TENM2: variants seen among roughly 807,000 people sequenced by gnomAD.
TENM2 encodes teneurin transmembrane protein 2.
TENM2 carries 52 observed loss-of-function variants against 245.2 expected under a neutral mutation model. That is an observed-to-expected ratio of 0.21 (90% CI 0.17 to 0.27). TENM2 has a LOEUF of 0.27. Among genes scored for constraint, TENM2 ranks in the 10% least tolerant of loss-of-function variants. TENM2 has a pLI of 1.00. For missense variants in TENM2, 3,046 were observed against 3,666.8 expected (o/e 0.83, Z 4.37); for synonymous variants, 1,363 against 1,438.9 (o/e 0.95, Z 1.19).
At chr5:167,778,053 G>A (rs1763933470) in intron 2 of TENM2, among the ~76,000 whole-genome samples, 1 of 152,144 alleles carries the variant, frequency 6.6e-6, no homozygotes, top group African/African-American at 2.4e-5. Flanking sequence ...TGCACCACAT[G>A]GACTGCAAAG....
chr5:167,953,072 C>G (rs1780247689), intron 4 of TENM2, among the ~76,000 whole-genome samples: 1 of 152,194 alleles, frequency 6.6e-6, no homozygotes, highest in Non-Finnish European at 1.5e-5. Context: ...GTGTACCCAA[C>G]TAATAGAATT....
rs981004007 is a variant in TENM2 at position 167,827,707 on chromosome 5, C to T, written c.503-48279C>T. 8.8e-5 allele frequency among the ~76,000 whole-genome samples: 13 copies of T among 148,386 alleles called. No homozygotes were observed. The South Asian group carries it at 2.6e-3, about 30-fold the overall frequency. On this transcript the variant is annotated intron_variant, in intron 2 of 28. Coordinates refer to ENST00000518659, the Ensembl canonical transcript of TENM2. ...AAACTTCTTACCTGAGGAAACTGTT[C>T]CCTTTGAGGAGTTGAGTTATTGCCT...
chr5:167,481,495 A>G (rs986343034), intron 2 of TENM2, among the ~76,000 whole-genome samples: 1 of 152,234 alleles, frequency 6.6e-6, no homozygotes, highest in Admixed American at 6.5e-5. Flanking sequence ...GGCTGCTTCC[A>G]TACTACAAAG....
At chr5:167,631,047 A>G (rs1362699605) in intron 2 of TENM2, among the ~76,000 whole-genome samples, 3 of 152,136 alleles carry the variant, frequency 2.0e-5, no homozygotes, top group African/African-American at 7.2e-5. Flanking sequence ...TTGAGTGTCT[A>G]CCGTGTGCGA....
At chr5:167,887,744 G>A (rs1774404457) in intron 3 of TENM2, among the ~76,000 whole-genome samples, 1 of 152,202 alleles carries the variant, frequency 6.6e-6, no homozygotes, top group Non-Finnish European at 1.5e-5. Flanking sequence ...CTTAGTGTAT[G>A]GATTCATTTG....
intron 2 of TENM2, among the ~76,000 whole-genome samples, chr5:167,514,564 A>G (rs1770186155): frequency 6.6e-6 from 1 of 152,236 alleles, no homozygotes; most frequent in Admixed American, 6.5e-5. Flanking sequence ...ATTTGCAAGC[A>G]ATTGTTAGAA....
the TENM2 span, among the ~76,000 whole-genome samples, chr5:167,094,411 T>G: frequency 6.6e-6 from 1 of 152,196 alleles, no homozygotes; most frequent in African/African-American, 2.4e-5. Context: ...GAGTTTTATT[T>G]GAATGTAGTC....
At chr5:167,341,507 AT>A (rs1758095622) in intron 1 of TENM2, among the ~76,000 whole-genome samples, 1 of 150,952 alleles carries the variant, frequency 6.6e-6, no homozygotes, top group Non-Finnish European at 1.5e-5. Context: ...TTATGCTTTC[AT>A]TTTTCTCTGA....
intron 7 of TENM2, among the ~76,000 whole-genome samples, chr5:168,086,213 C>T (rs573527604): frequency 7.2e-5 from 11 of 152,276 alleles, no homozygotes; most frequent in Middle Eastern, 6.8e-3. Context: ...TAACAGCCCC[C>T]GCTCCACGGT....
At chr5:167,274,580 T>A in the TENM2 span, among the ~76,000 whole-genome samples, 102 of 149,816 alleles carry the variant, frequency 6.8e-4, no homozygotes, top group African/African-American at 2.4e-3. Context: ...TTTCTTTCTT[T>A]CTTTCTTTTT....
At chr5:168,142,039 A>G (rs1373819392) in intron 12 of TENM2, among the ~76,000 whole-genome samples, 3 of 152,252 alleles carry the variant, frequency 2.0e-5, no homozygotes, top group African/African-American at 7.2e-5. Flanking sequence ...CAAATCCAGT[A>G]AAACCGAAAG....
At chr5:167,812,114 T>G (rs554663934) in intron 2 of TENM2, among the ~76,000 whole-genome samples, 2 of 152,256 alleles carry the variant, frequency 1.3e-5, no homozygotes, top group Non-Finnish European at 2.9e-5. Context: ...CTTTCTAAAT[T>G]TAGTAAACTT....
intron 2 of TENM2, among the ~76,000 whole-genome samples, chr5:167,574,854 T>C (rs1774534108): frequency 6.6e-6 from 1 of 152,178 alleles, no homozygotes; most frequent in Non-Finnish European, 1.5e-5. Flanking sequence ...AATATGTCCC[T>C]TTTGTGTGCT....
At chr5:167,368,732 G>A (rs1034267934) in intron 1 of TENM2, among the ~76,000 whole-genome samples, 2 of 152,086 alleles carry the variant, frequency 1.3e-5, no homozygotes, top group Non-Finnish European at 2.9e-5. Flanking sequence ...AGGTGAGGAA[G>A]GGGGTGCAGT....
At chr5:167,477,096 G>T (rs1177473898) in intron 2 of TENM2, among the ~76,000 whole-genome samples, 1 of 152,048 alleles carries the variant, frequency 6.6e-6, no homozygotes, top group Non-Finnish European at 1.5e-5. Flanking sequence ...ATGATACTTT[G>T]GTTTCCAAAC....
At chr5:168,017,935 C>T (rs770810347) in intron 5 of TENM2, among the ~76,000 whole-genome samples, 9 of 152,260 alleles carry the variant, frequency 5.9e-5, no homozygotes, top group South Asian at 2.1e-4. Context: ...TCTTCTGTTC[C>T]GTCCCCATCT....
intron 1 of TENM2, among the ~76,000 whole-genome samples, chr5:167,286,311 T>C (rs781382787): frequency 4.6e-5 from 7 of 152,216 alleles, no homozygotes; most frequent in Admixed American, 2.6e-4. Context: ...TTCATGTAAA[T>C]GAAACACATG....
At chr5:167,207,038 T>TA in the TENM2 span, among the ~76,000 whole-genome samples, 417 of 148,922 alleles carry the variant, frequency 2.8e-3, 6 homozygotes, top group East Asian at 0.044. Context: ...ATTTTAATAT[T>TA]AAAAAAAAAA....
intron 2 of TENM2, among the ~76,000 whole-genome samples, chr5:167,588,261 C>T (rs539848061): frequency 1.7e-4 from 26 of 152,270 alleles, no homozygotes; most frequent in African/African-American, 6.3e-4. Flanking sequence ...CTTGATTGTC[C>T]ACCTGGTTAT....
Sources: allele counts gnomAD v4.1 joint callset (sites outside exome capture counted in the v4.1 genomes callset), GRCh38; gene constraint gnomAD v4.1.1; transcripts MANE v1.5; gene names NCBI Gene and HGNC (gene_info 2026-07-23, HGNC 2026-07-21).